METTL22: variants seen among roughly 807,000 people sequenced by gnomAD.
The protein encoded by METTL22 is methyltransferase 22, Kin17 lysine.
METTL22 carries 51 observed loss-of-function variants against 48.4 expected under a neutral mutation model. The observed-to-expected ratio is 1.05, with a 90% CI of 0.84 to 1.33. The LOEUF is 1.33. Ranked by LOEUF, METTL22 falls within the 40% of genes most tolerant of loss-of-function variation. The pLI is 0.00. For synonymous variants in METTL22, 255 were observed against 214.1 expected, an observed-to-expected ratio of 1.19 and a Z score of -1.67; for missense variants, 678 against 526.9, an observed-to-expected ratio of 1.29 and a Z score of -2.81.
chr16:8,633,599 C>G (rs2056331827), intron 3 of METTL22, among the ~76,000 whole-genome samples: 1 of 152,190 alleles, frequency 6.6e-6, no homozygotes. Context: ...GAGTGAGACC[C>G]TGTCTCAAAA....
chr16:8,650,482 G>T (rs1354719220), downstream of METTL22, among the ~76,000 whole-genome samples: 1 of 152,238 alleles, frequency 6.6e-6, no homozygotes, highest in Non-Finnish European at 1.5e-5. Context: ...TGATAGGTTG[G>T]TGAATGGGTA....
chr16:8,663,614 G>C, the METTL22 span, among the ~76,000 whole-genome samples: 2 of 152,076 alleles, frequency 1.3e-5, no homozygotes, highest in Non-Finnish European at 2.9e-5. Flanking sequence ...TTTTCTGCCT[G>C]TGTTTTCCCA....
At chr16:8,646,023 C>G (rs2056788903) in intron 10 of METTL22, 85 bp from the exon 11 acceptor site, 2 of 1,597,300 alleles carry the variant, frequency 1.3e-6, no homozygotes, top group Non-Finnish European at 1.7e-6. Context: ...TAACTACTCT[C>G]CTTGGTGAAT....
At chr16:8,644,967 A>G in intron 10 of METTL22, 1 of 391,374 alleles carries the variant, frequency 2.6e-6, no homozygotes, top group Non-Finnish European at 4.6e-6. Context: ...ACTTTATAGC[A>G]CATATTCCCC....
At chr16:8,653,053 C>A (rs1390301402), downstream of METTL22, among the ~76,000 whole-genome samples, 1 of 152,156 alleles carries the variant, frequency 6.6e-6, no homozygotes, top group Non-Finnish European at 1.5e-5. Context: ...CCAATGCATG[C>A]GCCGGGCAAA....
In METTL22 at chr16:8,637,904, G is replaced by A. The variant is rs531530977; in HGVS notation, c.701-1187G>A. 1.9e-3 allele frequency among the ~76,000 whole-genome samples: 287 copies of A among 152,074 alleles called. 2 individuals carry two copies. The highest frequency in any genetic ancestry group is 6.6e-3 in the African/African-American group (275 of 41,492). On this transcript the variant is annotated intron_variant, in intron 5 of 10. Transcript: ENST00000381920. ...TGTAACCCCAGCACTTTGAGAGGCCGAGGCAGGTGGATCACCTGAGGTCAG... is the reference window on the plus strand; with the variant it reads ...TGTAACCCCAGCACTTTGAGAGGCCAAGGCAGGTGGATCACCTGAGGTCAG...
chr16:8,621,985 C>G (rs2055866436), intron 1 of METTL22, among the ~76,000 whole-genome samples: 1 of 152,228 alleles, frequency 6.6e-6, no homozygotes, highest in African/African-American at 2.4e-5. Flanking sequence ...GTCCAGGCAC[C>G]TCTCCTTCGG....
Position 8,646,469 on chromosome 16 carries a change from T to G in METTL22, c.*326T>G. 2 of 582,846 alleles carry G rather than the reference T, an allele frequency of 3.4e-6. No individual in the cohort carries two copies. Among genetic ancestry groups the G allele is most frequent in the Middle Eastern group, 2.6e-4 (1 of 3,780 alleles). The allele number at this position is 582,846 out of a possible 1,614,324, so 36.1% of individuals were successfully genotyped here. ...TTTCAGCTGTGTGCTTTACTTGCGG[T>G]TGCGGCCCTGGCTGTGAGGTGGATT... is the stretch of plus-strand genomic sequence containing the variant. On this transcript the variant is annotated 3_prime_UTR_variant, in exon 11 of 11. Coordinates refer to ENST00000381920, the MANE Select transcript of METTL22 (RefSeq NM_024109.4).
intron 1 of METTL22, among the ~76,000 whole-genome samples, chr16:8,624,421 GGAGTGCAGAGTGCAGT>G (rs993398018): frequency 5.3e-5 from 8 of 150,962 alleles, no homozygotes; most frequent in African/African-American, 1.7e-4. Flanking sequence ...CACCCAGCCT[GGAGTGCAGAGTGCAGT>G]GACGCATTCT....
downstream of METTL22, among the ~76,000 whole-genome samples, chr16:8,654,208 A>G (rs189975982): frequency 6.6e-6 from 1 of 152,354 alleles, no homozygotes; most frequent in African/African-American, 2.4e-5. Flanking sequence ...AACTCTCCCA[A>G]GGTCACATAA....
chr16:8,646,357 G>A lies in METTL22; in HGVS notation c.*214G>A, dbSNP rs1316078456. The A allele has an allele frequency of 2.8e-6, 2 of 717,308 alleles. No individual in the cohort carries two copies. The highest frequency in any genetic ancestry group is 2.7e-5 in the East Asian group (1 of 37,010). 44.4% of individuals were successfully genotyped at this position (717,308 alleles called of 1,614,324 possible). A position where few individuals can be genotyped will look rare whatever the true frequency, so the allele number is the denominator to read the frequency against. Reference sequence around the variant, plus strand: ...TTGCTGTGGGCTGGAGGTCACTTTAGTTGCCTGTTTCTCATGGTTGTGATG... The same window carrying A: ...TTGCTGTGGGCTGGAGGTCACTTTAATTGCCTGTTTCTCATGGTTGTGATG... On this transcript the variant is annotated 3_prime_UTR_variant, in exon 11 of 11. Transcript: ENST00000381920.
chr16:8,629,861 T>C (rs2056194681), intron 3 of METTL22, among the ~76,000 whole-genome samples: 1 of 152,164 alleles, frequency 6.6e-6, no homozygotes, highest in Admixed American at 6.5e-5. Flanking sequence ...TATCGTGTTT[T>C]GGATATCTTC....
intron 8 of METTL22, 77 bp downstream of exon 8, chr16:8,642,284 C>T (rs571124742): frequency 2.2e-5 from 31 of 1,387,640 alleles, no homozygotes; most frequent in African/African-American, 1.0e-4. Flanking sequence ...TCACTTCCCC[C>T]GGGAGTTCAG....
the METTL22 span, among the ~76,000 whole-genome samples, chr16:8,666,016 G>C: frequency 2.0e-5 from 3 of 152,196 alleles, no homozygotes; most frequent in Non-Finnish European, 4.4e-5. Context: ...GTGGCCACAG[G>C]TGATGGTGCA....
downstream of METTL22, among the ~76,000 whole-genome samples, chr16:8,650,614 TA>T: frequency 6.6e-6 from 1 of 152,314 alleles, no homozygotes; most frequent in Middle Eastern, 3.4e-3. Context: ...TCCCAACACA[TA>T]AAATTATAAA....
Position 8,635,264 on chromosome 16 carries a change from C to A in METTL22, c.652C>A (p.Leu218Ile). The A allele has an allele frequency of 6.2e-7, 1 of 1,606,444 alleles. No homozygotes were observed. Among genetic ancestry groups the A allele is most frequent in the South Asian group, 1.1e-5 (1 of 90,648 alleles). The part of the protein sequence containing the change: ...TALELGAGTG[L>I]ASIIAATMAR... ...GCTGGAGCTCGGGGCCGGCACGGGG[C>A]TCGCTAGCATCATCGCAGCCACCAT... The change falls in exon 5 of 11, where the codon CTC becomes ATC. Residue 218 changes from leucine (L) to isoleucine (I), a missense_variant. Transcript: ENST00000381920.
the METTL22 span, among the ~76,000 whole-genome samples, chr16:8,659,622 C>G: frequency 2.0e-5 from 3 of 152,098 alleles, no homozygotes; most frequent in African/African-American, 7.2e-5. Context: ...GAACCACAGT[C>G]CAAAAGCTAC....
At chr16:8,640,967 TGGCTGG>T in intron 6 of METTL22, among the ~76,000 whole-genome samples, 158 bp from the exon 7 acceptor site, 1 of 110,488 alleles carries the variant, frequency 9.1e-6, no homozygotes, top group African/African-American at 3.3e-5. Flanking sequence ...GCTGGCTGGC[TGGCTGG>T]CTGGCTGGCT....
downstream of METTL22, among the ~76,000 whole-genome samples, chr16:8,654,371 G>T (rs2056936213): frequency 1.3e-5 from 2 of 152,224 alleles, no homozygotes; most frequent in South Asian, 4.1e-4. Flanking sequence ...TAGGTGGAAA[G>T]TTACATACCA....
Sources: allele counts gnomAD v4.1 joint callset (sites outside exome capture counted in the v4.1 genomes callset), GRCh38; gene constraint gnomAD v4.1.1; transcripts MANE v1.5; gene names NCBI Gene and HGNC (gene_info 2026-07-23, HGNC 2026-07-21).